MX1: variants seen among roughly 807,000 people sequenced by gnomAD.
MX1 encodes MX dynamin like GTPase 1, also known as interferon-induced GTP-binding protein Mx1.
MX1 carries 66 observed loss-of-function variants against 66.4 expected under a neutral mutation model. The observed-to-expected ratio is 0.99, with a 90% confidence interval of 0.82 to 1.22. MX1 has a LOEUF of 1.22. Ranked by LOEUF, MX1 falls within the 50% of genes most tolerant of loss-of-function variation. The probability of loss-of-function intolerance (pLI) is 0.00; values close to 1 mark genes in which losing one functional copy is unlikely to be tolerated. For missense variants in MX1, 787 were observed against 834.3 expected (o/e 0.94, Z 0.70); for synonymous variants, 311 against 318.1 (o/e 0.98, Z 0.24).
At chr21:41,452,515 T>C in intron 15 of MX1, 106 bp from the exon 16 acceptor site, 1 of 1,272,488 alleles carries the variant, frequency 7.9e-7, no homozygotes, top group African/African-American at 1.5e-5. Context: ...ACGTGCTGTT[T>C]CACTCACGTT....
At chr21:41,457,273 G>C (rs2090982066) in intron 16 of MX1, among the ~76,000 whole-genome samples, 1 of 152,162 alleles carries the variant, frequency 6.6e-6, no homozygotes, top group African/African-American at 2.4e-5. Context: ...TTTGTCATTT[G>C]CTTTGTCATT....
intron 16 of MX1, among the ~76,000 whole-genome samples, chr21:41,454,313 G>A (rs2090908075): frequency 6.6e-6 from 1 of 152,178 alleles, no homozygotes; most frequent in Admixed American, 6.5e-5. Context: ...CATGGTTTGT[G>A]GGGTGTGTGT....
intron 7 of MX1, among the ~76,000 whole-genome samples, chr21:41,438,171 A>G (rs902317992): frequency 6.6e-6 from 1 of 152,274 alleles, no homozygotes; most frequent in African/African-American, 2.4e-5. Flanking sequence ...TAGCATTTGT[A>G]AAGATGGAGC....
intron 5 of MX1, among the ~76,000 whole-genome samples, chr21:41,435,044 A>G (rs1280442163): frequency 6.6e-6 from 1 of 152,198 alleles, no homozygotes; most frequent in Admixed American, 6.5e-5. Flanking sequence ...TGGGTATAGA[A>G]TTCTAGATTG....
At chr21:41,442,849 C>G (rs1421927521) in intron 10 of MX1, 1 of 152,226 alleles carries the variant, frequency 6.6e-6, no homozygotes, top group Admixed American at 6.5e-5. Context: ...AGTGAAAGAA[C>G]CCAGTCGTAA....
rs2090508667 is a variant in MX1 at position 41,441,442 on chromosome 21, A to G, written c.731-274A>G. On this transcript the variant is annotated intron_variant, in intron 9 of 16. Transcript: ENST00000398598. The surrounding 1 kb of genome is among the most constrained non-coding windows in gnomAD (Gnocchi z 4.0). ...ATGGGATGTCCATAACTCAAGGGAT[A>G]AACAAAACGTGGCGTGTTCTACAGT... 1.9e-6 allele frequency: 1 copy of G among 528,018 alleles called. No homozygotes were observed. Among genetic ancestry groups the G allele is most frequent in the South Asian group, 2.1e-5 (1 of 46,592 alleles). 32.7% of individuals were successfully genotyped at this position (528,018 alleles called of 1,614,324 possible). A position where few individuals can be genotyped will look rare whatever the true frequency, so the allele number is the denominator to read the frequency against.
chr21:41,456,951 G>A (rs987935844), intron 16 of MX1, among the ~76,000 whole-genome samples: 7 of 152,098 alleles, frequency 4.6e-5, no homozygotes, highest in East Asian at 3.9e-4. Flanking sequence ...CAGTAGAGAC[G>A]GGGTTTCACC....
At chr21:41,443,563 G>T in intron 10 of MX1, 1 of 558,418 alleles carries the variant, frequency 1.8e-6, no homozygotes, top group South Asian at 2.1e-5. Flanking sequence ...TATTATATCA[G>T]CTGGAAGAGC....
upstream of MX1, among the ~76,000 whole-genome samples, chr21:41,422,568 G>T (rs1408386825): frequency 6.6e-6 from 1 of 152,134 alleles, no homozygotes; most frequent in South Asian, 2.1e-4. Context: ...TGGCAATGGG[G>T]TAACTGAGAC....
intron 14 of MX1, 111 bp from the exon 15 acceptor site, chr21:41,451,056 G>A (rs1050080): frequency 0.46 from 322,670 of 706,302 alleles, 76,573 homozygotes; most frequent in African/African-American, 0.71. Context: ...AGAAGGGAGC[G>A]GGGAGAGGGG....
intron 13 of MX1, among the ~76,000 whole-genome samples, chr21:41,447,882 T>C (rs1050860100): frequency 2.0e-5 from 3 of 152,090 alleles, no homozygotes; most frequent in Non-Finnish European, 2.9e-5. Flanking sequence ...GCTGGGATTA[T>C]AGGCACCTGT....
At position 41,440,995 on chromosome 21, in the gene MX1, G is replaced by A; in HGVS notation, c.700G>A (p.Glu234Lys). 6.2e-7 allele frequency: 1 copy of A among 1,614,198 alleles called. No individual in the cohort carries two copies. Among genetic ancestry groups the A allele is most frequent in the Non-Finnish European group, 8.5e-7 (1 of 1,180,044 alleles). ...CACAGAGGCTCTCAGCATGGCCCAG[G>A]AGGTGGACCCCGAGGGAGACAGGAC... ...ATTEALSMAQ[E>K]VDPEGDRTIG... Residue 234 changes from glutamate to lysine, a missense_variant, in exon 9 of 17, where the codon GAG becomes AAG. By Grantham distance (56) the Glu-to-Lys change is moderately conservative. Coordinates refer to ENST00000398598, the MANE Select transcript of MX1 (RefSeq NM_002462.5).
intron 7 of MX1, 116 bp downstream of exon 7, chr21:41,437,268 C>A: frequency 8.9e-7 from 1 of 1,128,246 alleles, no homozygotes; most frequent in South Asian, 1.5e-5. Context: ...CTTTCTCCTG[C>A]ACATCAGGCC....
Position 41,452,880 on chromosome 21 carries a change from G to C in MX1, c.1758+11G>C, listed in dbSNP as rs539688950. Reference sequence around the variant, plus strand: ...ATGGCCTATCACCAGGTACGTCTTCGCGTGGTTCAGGATGCCAGCTTCCAT... The same window carrying C: ...ATGGCCTATCACCAGGTACGTCTTCCCGTGGTTCAGGATGCCAGCTTCCAT... On this transcript the variant is annotated intron_variant, in intron 16 of 16. Transcript: ENST00000398598. 1 of 1,613,026 alleles carries C rather than the reference G, an allele frequency of 6.2e-7. No individual in the cohort carries two copies. Among genetic ancestry groups the C allele is most frequent in the South Asian group, 1.1e-5 (1 of 91,000 alleles).
chr21:41,459,197 A>C lies in MX1; in HGVS notation c.*439A>C. The C allele has an allele frequency of 5.7e-6, 1 of 176,980 alleles. No individual in the cohort carries two copies. The highest frequency in any genetic ancestry group is 1.2e-5 in the Non-Finnish European group (1 of 84,204). 11.0% of individuals were successfully genotyped at this position (176,980 alleles called of 1,614,324 possible). A position where few individuals can be genotyped will look rare whatever the true frequency, so the allele number is the denominator to read the frequency against. ...GCCCTGTCTCCTCTCTCTGTAATAA[A>C]CTCATTTCTAGCAGACACTGCTCTG... On this transcript the variant is annotated 3_prime_UTR_variant, in exon 17 of 17. Coordinates refer to ENST00000398598, the MANE Select transcript of MX1 (RefSeq NM_002462.5).
rs1568986929 is a variant in MX1, at chr21:41,445,472, C to T, written c.1033C>T (p.Gln345Ter). ...ICKSLPLLEN[Q>*]IKETHQRITE... ...GAAATCTCTGCCCCTGTTAGAAAAT[C>T]AAATCAAGGAGACTCACCAGAGAAT... The change falls in exon 12 of 17, where the codon CAA (glutamine) becomes TAA (stop). Residue 345 changes from glutamine (Q) to a stop codon, truncating the protein, a stop_gained. Transcript: ENST00000398598. LOFTEE classifies it high-confidence loss of function. 16 of 1,613,994 alleles carry T rather than the reference C, an allele frequency of 9.9e-6. No homozygotes were observed. The highest frequency in any genetic ancestry group is 1.3e-5 in the Non-Finnish European group (15 of 1,179,924).
chr21:41,445,811 G>A, intron 12 of MX1, 189 bp from the exon 13 acceptor site: 7 of 840,238 alleles, frequency 8.3e-6, no homozygotes, highest in Non-Finnish European at 1.3e-5. Context: ...GCATCACCCA[G>A]ATCCCTAAGG....
upstream of MX1, among the ~76,000 whole-genome samples, chr21:41,423,761 G>T (rs1382791392): frequency 6.6e-6 from 1 of 152,140 alleles, no homozygotes; most frequent in Non-Finnish European, 1.5e-5. Context: ...CCAAGGCCCT[G>T]CCATATCATA....
chr21:41,445,971 A>G, intron 12 of MX1, 29 bp from the exon 13 acceptor site: 1 of 1,612,448 alleles, frequency 6.2e-7, no homozygotes, highest in Non-Finnish European at 8.5e-7. Flanking sequence ...AAGTCTATCC[A>G]CTTATACTGA....
Sources: allele counts gnomAD v4.1 joint callset (sites outside exome capture counted in the v4.1 genomes callset), GRCh38; gene constraint gnomAD v4.1.1; non-coding constraint Gnocchi (gnomAD v3.1); transcripts MANE v1.5; gene names NCBI Gene and HGNC (gene_info 2026-07-23, HGNC 2026-07-21).